SLC12A8: variants seen among roughly 807,000 people sequenced by gnomAD.
SLC12A8 encodes the protein solute carrier family 12 member 8.
In SLC12A8, 69 loss-of-function variants were observed where a neutral mutation model predicts 75.6. That is an observed-to-expected ratio of 0.91 (90% CI 0.75 to 1.11). SLC12A8 has a LOEUF of 1.11. Ranked by LOEUF, SLC12A8 falls within the 50% of genes most tolerant of loss-of-function variation. The pLI is 0.00. For synonymous variants in SLC12A8, 365 were observed against 372.8 expected (o/e 0.98, Z 0.24); for missense variants, 877 against 896.7 (o/e 0.98, Z 0.28).
intron 6 of SLC12A8, among the ~76,000 whole-genome samples, chr3:125,121,251 T>C (rs1434398968): frequency 6.6e-6 from 1 of 152,246 alleles, no homozygotes; most frequent in East Asian, 1.9e-4. Context: ...ACCTCTCTTC[T>C]GCAAGAACAC....
At chr3:125,208,791 C>CAGAGAGAGAGAGAGAGAG (rs1287670719) in intron 2 of SLC12A8, among the ~76,000 whole-genome samples, 4 of 84,182 alleles carry the variant, frequency 4.8e-5, no homozygotes, top group East Asian at 3.0e-4. Flanking sequence ...CACACACACA[C>CAGAGAGAGAGAGAGAGAG]AGAGAGAGAG....
chr3:125,099,639 A>C (rs1938813693), intron 10 of SLC12A8, among the ~76,000 whole-genome samples: 1 of 152,206 alleles, frequency 6.6e-6, no homozygotes, highest in Admixed American at 6.5e-5. Flanking sequence ...AGAGAAATAT[A>C]AACTAAAGGC....
At chr3:125,102,418 C>A (rs1451521898) in intron 10 of SLC12A8, among the ~76,000 whole-genome samples, 2 of 152,132 alleles carry the variant, frequency 1.3e-5, no homozygotes, top group African/African-American at 4.8e-5. Context: ...GCATCGTACA[C>A]CCTATCTGGG....
chr3:125,139,722 G>T (rs1933582988), intron 5 of SLC12A8, among the ~76,000 whole-genome samples: 1 of 152,180 alleles, frequency 6.6e-6, no homozygotes, highest in South Asian at 2.1e-4. Context: ...CATGGTGTGA[G>T]GTCAGTGGGT....
intron 8 of SLC12A8, among the ~76,000 whole-genome samples, chr3:125,117,653 C>T (rs1023819192): frequency 6.6e-6 from 1 of 152,072 alleles, no homozygotes; most frequent in Non-Finnish European, 1.5e-5. Flanking sequence ...AGCAGTGATA[C>T]TCAGGAGTTC....
At chr3:125,084,865 T>C (rs1035779984) in intron 13 of SLC12A8, among the ~76,000 whole-genome samples, 2 of 152,366 alleles carry the variant, frequency 1.3e-5, no homozygotes, top group African/African-American at 4.8e-5. Context: ...GGTCTGTAAG[T>C]CATACCTTAG....
intron 13 of SLC12A8, among the ~76,000 whole-genome samples, chr3:125,087,093 CTTTTTTT>C (rs369422119): frequency 7.6e-6 from 1 of 131,262 alleles, no homozygotes; most frequent in Non-Finnish European, 1.6e-5. Context: ...ATGTATTTCA[CTTTTTTT>C]TTTTTTTTTT....
intron 5 of SLC12A8, among the ~76,000 whole-genome samples, chr3:125,153,209 G>A (rs1434330644): frequency 2.0e-5 from 3 of 152,194 alleles, no homozygotes. Flanking sequence ...GCAACCGAGA[G>A]CCAACCATGT....
At chr3:125,122,606 C>G (rs1181746176) in intron 6 of SLC12A8, among the ~76,000 whole-genome samples, 1 of 152,172 alleles carries the variant, frequency 6.6e-6, no homozygotes, top group African/African-American at 2.4e-5. Context: ...TCTACAAGAT[C>G]TCAATACACT....
rs1249463014 is a variant in SLC12A8 at position 125,135,702 on chromosome 3, T to A, written c.703A>T (p.Thr235Ser). 1 of 1,608,358 alleles carries A rather than the reference T, an allele frequency of 6.2e-7. No homozygotes were observed. ...PDYSPGESFF[T>S]VFGVFFPAAT... Reference sequence around the variant, plus strand: ...GCTGGGAAGAAAACCCCAAAGACAGTGAAAAAAGATTCCCCCGGGCTGTAA... The same window carrying A: ...GCTGGGAAGAAAACCCCAAAGACAGAGAAAAAAGATTCCCCCGGGCTGTAA... The change falls in exon 6 of 14, where the codon ACT becomes TCT. Residue 235 changes from threonine (T) to serine (S), a missense_variant. Thr to Ser is a moderately conservative substitution (Grantham distance 58). Coordinates refer to ENST00000469902, the MANE Select transcript of SLC12A8 (RefSeq NM_024628.6).
At chr3:125,134,146 G>T (rs1933432708) in intron 6 of SLC12A8, among the ~76,000 whole-genome samples, 1 of 152,092 alleles carries the variant, frequency 6.6e-6, no homozygotes, top group Non-Finnish European at 1.5e-5. Flanking sequence ...CTGTCGCCCA[G>T]GCTGGAGTGC....
intron 2 of SLC12A8, among the ~76,000 whole-genome samples, chr3:125,199,496 C>T (rs1317884290): frequency 5.3e-5 from 8 of 151,682 alleles, no homozygotes; most frequent in Admixed American, 5.3e-4. Flanking sequence ...AATTCCAACA[C>T]TTTAGGAAGC....
At chr3:125,183,256 T>G (rs1375268727) in intron 4 of SLC12A8, among the ~76,000 whole-genome samples, 2 of 152,176 alleles carry the variant, frequency 1.3e-5, no homozygotes, top group African/African-American at 4.8e-5. Context: ...GTAAATGTCT[T>G]AAGGGTTTGT....
At chr3:125,108,181 G>A (rs1939089530) in intron 9 of SLC12A8, 55 bp from the exon 10 acceptor site, 1 of 1,528,874 alleles carries the variant, frequency 6.5e-7, no homozygotes, top group Admixed American at 2.0e-5. Flanking sequence ...GAACGCTTCA[G>A]AGATTTCAGA....
chr3:125,206,283 C>T (rs1052779786), intron 2 of SLC12A8, among the ~76,000 whole-genome samples: 10 of 152,346 alleles, frequency 6.6e-5, no homozygotes, highest in African/African-American at 2.4e-4. Context: ...CAACTCAGGG[C>T]TGTGTTCTGG....
intron 2 of SLC12A8, among the ~76,000 whole-genome samples, chr3:125,208,443 TAGTTTAA>T (rs1030858061): frequency 5.3e-5 from 8 of 152,224 alleles, no homozygotes; most frequent in African/African-American, 1.9e-4. Flanking sequence ...ATACTCCCCT[TAGTTTAA>T]TTATTAGCCA....
rs540749638 is a variant in SLC12A8 at position 125,198,902 on chromosome 3, C to T, written c.52-8381G>A. ...ATGCCATTCCCCTGCCTCAGCCTCC[C>T]CAGTAGCTGAGACTACAGGCACCCG... is the stretch of plus-strand genomic sequence containing the variant. On this transcript the variant is annotated intron_variant, in intron 2 of 13. Transcript: ENST00000469902. Among the ~76,000 whole-genome samples, 5 of 152,022 alleles carry T rather than the reference C, an allele frequency of 3.3e-5. No individual in the cohort carries two copies. In the East Asian group the frequency reaches 5.9e-4, roughly 18 times the overall value.
rs1045769768 is a variant in SLC12A8, at chr3:125,210,015, T to C, written c.51+1284A>G. On this transcript the variant is annotated intron_variant, in intron 2 of 13. Coordinates refer to ENST00000469902, the MANE Select transcript of SLC12A8 (RefSeq NM_024628.6). ...ATCATGAACACCAAAGGCCTTAAAATTGGGCATTGGGCCATGTCCAATCCT... is the reference window on the plus strand; with the variant it reads ...ATCATGAACACCAAAGGCCTTAAAACTGGGCATTGGGCCATGTCCAATCCT... Among the ~76,000 whole-genome samples, 8 of 152,164 alleles carry C rather than the reference T, an allele frequency of 5.3e-5. 1 individual carries two copies. The highest frequency in any genetic ancestry group is 1.4e-4 in the African/African-American group (6 of 41,438).
In SLC12A8 at chr3:125,147,694, C is replaced by T. The variant is rs1186076440; in HGVS notation, c.623-11912G>A. 3.3e-5 allele frequency among the ~76,000 whole-genome samples: 5 copies of T among 152,232 alleles called. No homozygotes were observed. In the South Asian group the frequency reaches 1.0e-3, roughly 32 times the overall value. ...TTTGATGACTGATCAACCCAGAGAG[C>T]ACGAGGGGAGAGCAAGAGGAGGAGA... On this transcript the variant is annotated intron_variant, in intron 5 of 13. Coordinates refer to ENST00000469902, the MANE Select transcript of SLC12A8 (RefSeq NM_024628.6).
Sources: gnomAD v4.1 joint callset for allele counts (sites outside exome capture counted in the v4.1 genomes callset) on GRCh38, gnomAD v4.1.1 for gene constraint, MANE v1.5 for transcripts, NCBI Gene and HGNC (gene_info 2026-07-23, HGNC 2026-07-21) for gene names.